GREB1: variants seen among roughly 807,000 people sequenced by gnomAD.
GREB1 encodes the protein growth regulating estrogen receptor binding 1.
Under a neutral mutation model 200.7 loss-of-function variants are expected in GREB1, and 106 were observed. That is an observed-to-expected ratio of 0.53 (90% confidence interval 0.45 to 0.62). The LOEUF is 0.62. Among genes scored for constraint, GREB1 ranks in the 20% least tolerant of loss-of-function variants. GREB1 has a pLI of 0.00. For synonymous variants in GREB1, 1,132 were observed against 1,092.4 expected, an observed-to-expected ratio of 1.04 and a Z score of -0.72; for missense variants, 2,243 against 2,556.8, an observed-to-expected ratio of 0.88 and a Z score of 2.65.
chr2:11,622,488 T>C (rs963572706), intron 23 of GREB1, among the ~76,000 whole-genome samples: 33 of 152,222 alleles, frequency 2.2e-4, no homozygotes, highest in African/African-American at 7.2e-4. Flanking sequence ...ATCAACATGT[T>C]TTATAATTTG....
In GREB1 at chr2:11,574,798, T is replaced by A. The variant is rs1170261118; in HGVS notation, c.455-1555T>A. On this transcript the variant is annotated intron_variant, in intron 4 of 32. Coordinates refer to ENST00000381486, the MANE Select transcript of GREB1 (RefSeq NM_014668.4). The stretch of plus-strand genomic sequence containing the variant: ...TGACAAGAATGGCCCTGGTTCCCTG[T>A]GAGTGTTAGTTCCCTGCCTGTCCCA... 2.0e-5 allele frequency among the ~76,000 whole-genome samples: 3 copies of A among 152,192 alleles called. No homozygotes were observed. The East Asian group carries it at 5.8e-4, about 29-fold the overall frequency.
intron 1 of GREB1, among the ~76,000 whole-genome samples, chr2:11,501,266 G>A (rs1469200413): frequency 6.6e-6 from 1 of 152,260 alleles, no homozygotes. Context: ...CATCGAAGCA[G>A]TGGTGGTGGG....
chr2:11,552,435 TGTCTC>T (rs1675947833), intron 1 of GREB1, among the ~76,000 whole-genome samples: 1 of 152,216 alleles, frequency 6.6e-6, no homozygotes, highest in Non-Finnish European at 1.5e-5. Flanking sequence ...TGATAGGTGT[TGTCTC>T]CACTCCATGC....
At chr2:11,530,499 G>A (rs1234463574), upstream of GREB1, among the ~76,000 whole-genome samples, 2 of 150,900 alleles carry the variant, frequency 1.3e-5, no homozygotes, top group South Asian at 2.1e-4. Context: ...ACCGGGAGGC[G>A]GAGGTTGCAG....
At chr2:11,564,791 C>G (rs1438419288) in intron 3 of GREB1, among the ~76,000 whole-genome samples, 1 of 152,146 alleles carries the variant, frequency 6.6e-6, no homozygotes, top group African/African-American at 2.4e-5. Context: ...AAAGACATAC[C>G]CAAGATTGGG....
intron 5 of GREB1, among the ~76,000 whole-genome samples, chr2:11,577,839 G>A (rs182531925): frequency 1.1e-4 from 17 of 152,328 alleles, no homozygotes; most frequent in East Asian, 1.9e-4. Flanking sequence ...GGCTGCAGTG[G>A]TTCTGCCCCG....
intron 7 of GREB1, among the ~76,000 whole-genome samples, chr2:11,584,369 T>G (rs562334119): frequency 4.9e-4 from 74 of 152,272 alleles, no homozygotes; most frequent in African/African-American, 1.6e-3. Context: ...CTGTACTTGA[T>G]TTTTTTGAGT....
At chr2:11,502,374 C>G (rs1673073094) in intron 1 of GREB1, among the ~76,000 whole-genome samples, 1 of 151,442 alleles carries the variant, frequency 6.6e-6, no homozygotes, top group African/African-American at 2.4e-5. Context: ...GCATGCACCA[C>G]CAGACCTGGC....
At chr2:11,549,709 T>C (rs77478640) in intron 1 of GREB1, among the ~76,000 whole-genome samples, 2,519 of 152,356 alleles carry the variant, frequency 0.017, 79 homozygotes, top group African/African-American at 0.058. Flanking sequence ...GTTTTCTCCA[T>C]GTTTACTTTT....
At chr2:11,578,553 C>G (rs1426683860) in intron 6 of GREB1, 122 bp downstream of exon 6, 13 of 935,546 alleles carry the variant, frequency 1.4e-5, no homozygotes, top group Non-Finnish European at 2.0e-5. Flanking sequence ...TTATCTTTTT[C>G]TATAACACCT....
At chr2:11,552,807 C>G (rs886473449) in intron 1 of GREB1, among the ~76,000 whole-genome samples, 8 of 151,756 alleles carry the variant, frequency 5.3e-5, no homozygotes, top group Non-Finnish European at 1.0e-4. Flanking sequence ...GTCAGGAGAT[C>G]GAGACCATCC....
At chr2:11,589,483 G>T (rs1204210199) in intron 10 of GREB1, among the ~76,000 whole-genome samples, 1 of 152,202 alleles carries the variant, frequency 6.6e-6, no homozygotes, top group Non-Finnish European at 1.5e-5. Flanking sequence ...AGAGGCCAGC[G>T]TAGCTGTAGC....
At chr2:11,542,836 TG>T (rs1674892908) in intron 1 of GREB1, 1 of 152,620 alleles carries the variant, frequency 6.6e-6, no homozygotes. Context: ...AGGTAATACC[TG>T]GGGCAGTGGG....
chr2:11,571,821 C>T (rs890458847), intron 4 of GREB1, among the ~76,000 whole-genome samples: 4 of 152,318 alleles, frequency 2.6e-5, no homozygotes, highest in African/African-American at 7.2e-5. Context: ...CGCCATTCTC[C>T]TGCCTCAGCC....
At chr2:11,569,846 G>A (rs542236509) in intron 4 of GREB1, among the ~76,000 whole-genome samples, 15 of 152,258 alleles carry the variant, frequency 9.9e-5, no homozygotes, top group African/African-American at 1.7e-4. Flanking sequence ...TGGCGAGAGT[G>A]CTCTGTGGCT....
chr2:11,611,892 G>T (rs1225639044), intron 18 of GREB1, among the ~76,000 whole-genome samples: 6 of 152,132 alleles, frequency 3.9e-5, no homozygotes, highest in Non-Finnish European at 5.9e-5. Context: ...GAGAGCACAG[G>T]CAAGACATAA....
chr2:11,637,899 C>G lies in GREB1; in HGVS notation c.5530C>G (p.Leu1844Val), dbSNP rs1402802746. 6.2e-7 allele frequency: 1 copy of G among 1,614,034 alleles called. No homozygotes were observed. The highest frequency in any genetic ancestry group is 2.2e-5 in the East Asian group (1 of 44,870). ...CCCAGTGCTGTCTGTCGACTGTTACCTGAACCTGGGATCTCAGGTGACTTT... is the reference window on the plus strand; with the variant it reads ...CCCAGTGCTGTCTGTCGACTGTTACGTGAACCTGGGATCTCAGGTGACTTT... ...DHPVLSVDCY[L>V]NLGSQISVCY... is the part of the protein sequence containing the mutation. Residue 1844 changes from leucine to valine, a missense_variant, in exon 31 of 33, where the codon CTG becomes GTG. By Grantham distance (32) the Leu-to-Val change is conservative (BLOSUM62 1). Around this residue, in one of 3 missense-constraint regions of GREB1, gnomAD observed 478 missense variants for 616.3 expected, o/e 0.78. Coordinates refer to ENST00000381486, the MANE Select transcript of GREB1 (RefSeq NM_014668.4).
chr2:11,502,638 C>T (rs1461696440), intron 1 of GREB1, among the ~76,000 whole-genome samples: 1 of 152,090 alleles, frequency 6.6e-6, no homozygotes, highest in Non-Finnish European at 1.5e-5. Flanking sequence ...CAAATAACTA[C>T]AAGACAGTTT....
intron 1 of GREB1, among the ~76,000 whole-genome samples, chr2:11,525,256 G>A (rs60215345): frequency 0.056 from 8,501 of 152,154 alleles, 882 homozygotes; most frequent in African/African-American, 0.19. Context: ...TGTAATCTCA[G>A]CACTTCAGGA....
Sources: gnomAD v4.1 joint callset for allele counts (sites outside exome capture counted in the v4.1 genomes callset) on GRCh38, gnomAD v4.1.1 for gene constraint, gnomAD v4.1.1 regional missense constraint, MANE v1.5 for transcripts, NCBI Gene and HGNC (gene_info 2026-07-23, HGNC 2026-07-21) for gene names.